The following RYR3 variants were observed in gnomAD, a reference collection of about 807,000 sequenced individuals.
RYR3 encodes the protein ryanodine receptor 3.
RYR3 carries 207 observed loss-of-function variants against 584.3 expected under a neutral mutation model. The ratio of observed to expected loss-of-function variants is 0.35; its 90% CI spans 0.32 to 0.40. The LOEUF (loss-of-function observed/expected upper bound fraction) is 0.40. RYR3 is among the 10% of genes least tolerant of loss of function. The pLI, the probability that RYR3 is intolerant of heterozygous loss-of-function variation, is 1.00. For synonymous variants in RYR3, 2,416 were observed against 2,248.5 expected, an observed-to-expected ratio of 1.07 and a Z score of -2.11; for missense variants, 5,616 against 6,089.2, an observed-to-expected ratio of 0.92 and a Z score of 2.59.
intron 11 of RYR3, among the ~76,000 whole-genome samples, chr15:33,565,702 G>A (rs984240255): frequency 2.0e-5 from 3 of 152,066 alleles, no homozygotes; most frequent in Non-Finnish European, 4.4e-5. Context: ...ATTTGACCTT[G>A]ACTTGAACCA....
intron 10 of RYR3, among the ~76,000 whole-genome samples, chr15:33,551,389 A>G (rs905131420): frequency 6.6e-6 from 1 of 152,170 alleles, no homozygotes. Flanking sequence ...ACTAGGTGTG[A>G]GGCTGACAGC....
chr15:33,682,642 C>A (rs1020127290), intron 38 of RYR3, among the ~76,000 whole-genome samples: 3 of 152,176 alleles, frequency 2.0e-5, no homozygotes, highest in Admixed American at 6.5e-5. Flanking sequence ...TGTTCAAGAG[C>A]ATTTGCTTTA....
Position 33,311,661 on chromosome 15 carries a change from C to G in RYR3, c.51+565C>G, listed in dbSNP as rs369489420. On this transcript the variant is annotated intron_variant, in intron 1 of 103. Coordinates refer to ENST00000634891, the MANE Select transcript of RYR3 (RefSeq NM_001036.6). The surrounding 1 kb of genome is among the most constrained non-coding windows in gnomAD (Gnocchi z 4.4). ...GAGGGGAATTCACCCAGCGCTGCCCCTCTCGTGTTAAGCCCCACGCCGGCA... is the reference window on the plus strand; with the variant it reads ...GAGGGGAATTCACCCAGCGCTGCCCGTCTCGTGTTAAGCCCCACGCCGGCA... 6.6e-6 allele frequency among the ~76,000 whole-genome samples: 1 copy of G among 152,228 alleles called. No homozygotes were observed. Among genetic ancestry groups the G allele is most frequent in the Non-Finnish European group, 1.5e-5 (1 of 68,042 alleles).
intron 3 of RYR3, among the ~76,000 whole-genome samples, chr15:33,524,721 C>A (rs940782092): frequency 6.6e-6 from 1 of 152,082 alleles, no homozygotes; most frequent in African/African-American, 2.4e-5. Flanking sequence ...AATGATATAT[C>A]AAAGTTGCTT....
chr15:33,608,404 G>A (rs544228247), intron 18 of RYR3, among the ~76,000 whole-genome samples: 10 of 152,344 alleles, frequency 6.6e-5, no homozygotes, highest in African/African-American at 2.4e-4. Context: ...CAGGGGTGGA[G>A]ATTACTTTCT....
Position 33,428,896 on chromosome 15 carries a change from C to T in RYR3, c.52-44523C>T, listed in dbSNP as rs186760209. On this transcript the variant is annotated intron_variant, in intron 1 of 103. Coordinates refer to ENST00000634891, the MANE Select transcript of RYR3 (RefSeq NM_001036.6). Reference sequence around the variant, plus strand: ...TGAGATAACACAATATACCAGGTCCCCAAGTGTGACTTGAACATCGTATGA... The same window carrying T: ...TGAGATAACACAATATACCAGGTCCTCAAGTGTGACTTGAACATCGTATGA... 3.2e-4 allele frequency among the ~76,000 whole-genome samples: 48 copies of T among 152,284 alleles called. No homozygotes were observed. The East Asian group carries it at 6.2e-3, about 20-fold the overall frequency.
rs1356559641 is a variant in RYR3 at position 33,865,880 on chromosome 15, C to CA, written c.*655dup. ...TCTTCCGTCTTACTTTATGAAACTG[C>CA]ACTTGAAGGTTATTCATACAAGTTT... On this transcript the variant is annotated 3_prime_UTR_variant, in exon 104 of 104. Coordinates refer to ENST00000634891, the MANE Select transcript of RYR3 (RefSeq NM_001036.6). 1.3e-5 allele frequency: 2 copies of CA among 152,492 alleles called. No homozygotes were observed. Among genetic ancestry groups the CA allele is most frequent in the African/African-American group, 4.8e-5 (2 of 41,400 alleles). 9.4% of individuals were successfully genotyped at this position (152,492 alleles called of 1,614,324 possible).
At chr15:33,725,154 T>TACAC (rs58951939) in intron 45 of RYR3, among the ~76,000 whole-genome samples, 4,633 of 113,772 alleles carry the variant, frequency 0.041, 133 homozygotes, top group African/African-American at 0.058. Context: ...TCCAACACCT[T>TACAC]ACACACACAC....
At chr15:33,705,101 T>TCTCTC (rs1156781766) in intron 42 of RYR3, among the ~76,000 whole-genome samples, 2 of 142,102 alleles carry the variant, frequency 1.4e-5, no homozygotes, top group African/African-American at 5.4e-5. Flanking sequence ...CACACACTCT[T>TCTCTC]TCTCTCTCTC....
intron 67 of RYR3, among the ~76,000 whole-genome samples, chr15:33,798,462 T>C (rs1420735803): frequency 3.3e-5 from 5 of 152,194 alleles, no homozygotes; most frequent in Non-Finnish European, 5.9e-5. Context: ...AATAAGCCAA[T>C]TAGAGTTCCA....
At chr15:33,363,617 A>G (rs893131494) in intron 1 of RYR3, among the ~76,000 whole-genome samples, 2 of 152,196 alleles carry the variant, frequency 1.3e-5, no homozygotes, top group Non-Finnish European at 2.9e-5. Flanking sequence ...AGTATGCTGA[A>G]ATTATTTAAA....
At chr15:33,623,763 G>GTTT in intron 19 of RYR3, 44 bp from the exon 20 acceptor site, 3 of 1,234,886 alleles carry the variant, frequency 2.4e-6, no homozygotes, top group Non-Finnish European at 3.5e-6. Context: ...GGGCTGCATT[G>GTTT]TTTTTTTTTT....
intron 38 of RYR3, among the ~76,000 whole-genome samples, chr15:33,679,210 C>T (rs889973582): frequency 2.2e-5 from 3 of 137,206 alleles, no homozygotes; most frequent in African/African-American, 8.0e-5. Flanking sequence ...TATTGCATCA[C>T]CTGACCCCTG....
Position 33,631,255 on chromosome 15 carries a change from T to C in RYR3, c.2829T>C (p.Ala943=), listed in dbSNP as rs764222669. 6.3e-6 allele frequency: 10 copies of C among 1,591,682 alleles called. No individual in the cohort carries two copies. The South Asian group carries it at 1.0e-4, about 16-fold the overall frequency. ...GCCACATTGCTCATGTTAACCCAGCTGCTGAGGAGGATCTCAAGAAGGTCA... is the reference window on the plus strand; with the variant it reads ...GCCACATTGCTCATGTTAACCCAGCCGCTGAGGAGGATCTCAAGAAGGTCA... ...LGCHIAHVNP[A]AEEDLKKVKL... is the part of the protein sequence containing the mutation. The change falls in exon 23 of 104, where the codon GCT becomes GCC. Residue 943 remains alanine (A), a synonymous_variant. Coordinates refer to ENST00000634891, the MANE Select transcript of RYR3 (RefSeq NM_001036.6).
In RYR3 at chr15:33,671,805, C is replaced by CTTTTTTT. The variant is rs56206846; in HGVS notation, c.5860+1267_5860+1273dup. On this transcript the variant is annotated intron_variant, in intron 38 of 103. Coordinates refer to ENST00000634891, the MANE Select transcript of RYR3 (RefSeq NM_001036.6). ...GTTGCTTCTTTCCCACCTTCTTTTTCTTTTTTTTTTTTTTTTTTTTTTTTC... is the reference window on the plus strand; with the variant it reads ...GTTGCTTCTTTCCCACCTTCTTTTTCTTTTTTTTTTTTTTTTTTTTTTTTTTTTTTTC... Among the ~76,000 whole-genome samples the CTTTTTTT allele has an allele frequency of 2.4e-3, 191 of 80,258 alleles. 2 individuals are homozygous for CTTTTTTT. The highest frequency in any genetic ancestry group is 4.3e-3 in the African/African-American group (78 of 18,086). The allele number at this position is 80,258 out of a possible 152,430, so 52.7% of individuals were successfully genotyped here.
intron 64 of RYR3, among the ~76,000 whole-genome samples, chr15:33,774,074 T>C (rs951348622): frequency 3.9e-5 from 6 of 152,320 alleles, no homozygotes; most frequent in African/African-American, 1.4e-4. Flanking sequence ...GCCATAGTTT[T>C]CAACAAGTGC....
At chr15:33,544,149 C>T (rs188396738) in intron 8 of RYR3, among the ~76,000 whole-genome samples, 7 of 152,226 alleles carry the variant, frequency 4.6e-5, no homozygotes, top group East Asian at 1.9e-4. Flanking sequence ...ATTTAGAGGG[C>T]GCTGTGCCAA....
intron 38 of RYR3, among the ~76,000 whole-genome samples, chr15:33,683,144 G>A (rs565366210): frequency 1.1e-4 from 17 of 152,032 alleles, no homozygotes; most frequent in African/African-American, 3.9e-4. Flanking sequence ...ACAGGCGCCT[G>A]CCACCATGCC....
chr15:33,477,033 A>G (rs1000284973), intron 2 of RYR3, among the ~76,000 whole-genome samples: 1 of 152,174 alleles, frequency 6.6e-6, no homozygotes, highest in Admixed American at 6.5e-5. Context: ...CAAATTTCTC[A>G]ACGAGCTGTA....
Sources: gnomAD v4.1 joint callset for allele counts (sites outside exome capture counted in the v4.1 genomes callset) on GRCh38, gnomAD v4.1.1 for gene constraint, Gnocchi (gnomAD v3.1) non-coding constraint, MANE v1.5 for transcripts, NCBI Gene and HGNC (gene_info 2026-07-23, HGNC 2026-07-21) for gene names.